The following GPR158 variants were observed in gnomAD, a reference collection of about 807,000 sequenced individuals.
The protein encoded by GPR158 is metabotropic glycine receptor.
GPR158 carries 30 observed loss-of-function variants against 78.2 expected under a neutral mutation model. The ratio of observed to expected loss-of-function variants is 0.38; its 90% CI spans 0.29 to 0.52. GPR158 has a LOEUF of 0.52. Ranked by LOEUF, GPR158 falls within the 20% of genes least tolerant of loss-of-function variation. The pLI, the probability that GPR158 is intolerant of heterozygous loss-of-function variation, is 0.83. For synonymous variants in GPR158, 581 were observed against 591.1 expected, an observed-to-expected ratio of 0.98 and a Z score of 0.25; for missense variants, 1,463 against 1,523.5, an observed-to-expected ratio of 0.96 and a Z score of 0.66.
rs906126186 is a variant in GPR158 at position 25,175,273 on chromosome 10, A to C, written c.-148A>C. ...AGCCACCCGGGGCCAATCTCGAAACATTCTTATTTTCAAGTCCTTTGGACT... is the reference window on the plus strand; with the variant it reads ...AGCCACCCGGGGCCAATCTCGAAACCTTCTTATTTTCAAGTCCTTTGGACT... On this transcript the variant is annotated 5_prime_UTR_variant, in exon 1 of 11. Transcript: ENST00000376351. This position sits in a 1 kb window ranked among gnomAD's most constrained non-coding sequence, Gnocchi z 6.4. The C allele has an allele frequency of 1.8e-6, 1 of 559,644 alleles. No individual in the cohort carries two copies. Among genetic ancestry groups the C allele is most frequent in the Non-Finnish European group, 3.2e-6 (1 of 316,912 alleles). The allele number at this position is 559,644 out of a possible 1,614,324, so 34.7% of individuals were successfully genotyped here.
chr10:25,375,729 T>G (rs1834069790), intron 2 of GPR158, among the ~76,000 whole-genome samples: 1 of 151,654 alleles, frequency 6.6e-6, no homozygotes, highest in African/African-American at 2.4e-5. Flanking sequence ...AGTTTTCTAT[T>G]TTTAAAAATT....
intron 2 of GPR158, among the ~76,000 whole-genome samples, chr10:25,254,241 A>G (rs1323197022): frequency 1.3e-5 from 2 of 152,110 alleles, no homozygotes; most frequent in Non-Finnish European, 2.9e-5. Context: ...TCTTATTTTC[A>G]TTGAAACATC....
chr10:25,349,175 G>T (rs1855419093), intron 2 of GPR158, among the ~76,000 whole-genome samples: 1 of 151,972 alleles, frequency 6.6e-6, no homozygotes, highest in South Asian at 2.1e-4. Flanking sequence ...GTTGTTTGCA[G>T]CTTCTAGAGG....
chr10:25,444,525 G>A (rs1331734666), intron 4 of GPR158, among the ~76,000 whole-genome samples: 5 of 151,342 alleles, frequency 3.3e-5, no homozygotes, highest in Non-Finnish European at 7.4e-5. Context: ...GTGGGTATGT[G>A]TGTGGAAGTG....
chr10:25,447,918 C>A (rs1040272829), intron 4 of GPR158, among the ~76,000 whole-genome samples: 1 of 152,134 alleles, frequency 6.6e-6, no homozygotes, highest in Non-Finnish European at 1.5e-5. Flanking sequence ...CCATTAGCCT[C>A]AGAAGTTTCC....
intron 2 of GPR158, among the ~76,000 whole-genome samples, chr10:25,260,821 A>AT (rs1222499599): frequency 6.6e-6 from 1 of 151,920 alleles, no homozygotes; most frequent in Non-Finnish European, 1.5e-5. Context: ...ATTTCTCTGG[A>AT]TTTTTGCTTT....
intron 5 of GPR158, among the ~76,000 whole-genome samples, chr10:25,483,413 A>G (rs1333325274): frequency 1.3e-5 from 2 of 151,848 alleles, no homozygotes; most frequent in Non-Finnish European, 2.9e-5. Context: ...ATTCTTCTTG[A>G]TGAAGCTCAC....
intron 2 of GPR158, among the ~76,000 whole-genome samples, chr10:25,340,763 C>T (rs1855291160): frequency 2.6e-5 from 4 of 151,836 alleles, no homozygotes; most frequent in Admixed American, 1.3e-4. Flanking sequence ...TATGTGTTAC[C>T]GAGGTCCTAC....
chr10:25,237,604 A>G (rs760774614), intron 2 of GPR158, among the ~76,000 whole-genome samples: 4 of 152,216 alleles, frequency 2.6e-5, no homozygotes, highest in South Asian at 2.1e-4. Context: ...TGGCTCTTCA[A>G]ATTGACTAGT....
intron 6 of GPR158, among the ~76,000 whole-genome samples, chr10:25,558,678 C>A (rs537506425): frequency 6.6e-5 from 10 of 152,310 alleles, no homozygotes; most frequent in East Asian, 1.9e-4. Flanking sequence ...CATGCTCAGT[C>A]CAAAACAACT....
chr10:25,217,564 T>G lies in GPR158; in HGVS notation c.903-3488T>G, dbSNP rs909174722. ...CAAACAGGACCCAAGAGTATGCTAG[T>G]ATTAAATTTGTTTAACCCGTGAAAG... On this transcript the variant is annotated intron_variant, in intron 1 of 10. Transcript: ENST00000376351. 4.6e-5 allele frequency among the ~76,000 whole-genome samples: 7 copies of G among 152,196 alleles called. No homozygotes were observed. The South Asian group carries it at 8.3e-4, about 18-fold the overall frequency.
At chr10:25,266,077 T>C (rs964739255) in intron 2 of GPR158, among the ~76,000 whole-genome samples, 2 of 152,108 alleles carry the variant, frequency 1.3e-5, no homozygotes, top group Non-Finnish European at 2.9e-5. Flanking sequence ...TTTTCTTCCT[T>C]TACCATCCTT....
intron 2 of GPR158, among the ~76,000 whole-genome samples, chr10:25,323,528 A>AT (rs3054021): frequency 0.051 from 7,288 of 144,002 alleles, 577 homozygotes; most frequent in African/African-American, 0.17. Flanking sequence ...TCTTAGGTAG[A>AT]TTTTTTTTTT....
intron 1 of GPR158, among the ~76,000 whole-genome samples, chr10:25,188,252 A>G (rs911237748): frequency 1.3e-5 from 2 of 152,184 alleles, no homozygotes; most frequent in African/African-American, 4.8e-5. Flanking sequence ...CAAGCTCCCA[A>G]TGACTTTCTT....
chr10:25,297,599 T>A (rs1854534761), intron 2 of GPR158, among the ~76,000 whole-genome samples: 1 of 152,234 alleles, frequency 6.6e-6, no homozygotes, highest in Admixed American at 6.5e-5. Context: ...TGTTCTGTTT[T>A]ATCTCTTAAC....
intron 5 of GPR158, among the ~76,000 whole-genome samples, chr10:25,490,562 G>A (rs944379714): frequency 1.4e-5 from 2 of 147,060 alleles, no homozygotes; most frequent in Non-Finnish European, 3.0e-5. Context: ...TTGTTCTTGC[G>A]ATAGGTTACT....
chr10:25,266,084 C>T (rs996667249), intron 2 of GPR158, among the ~76,000 whole-genome samples: 1 of 152,132 alleles, frequency 6.6e-6, no homozygotes, highest in Non-Finnish European at 1.5e-5. Context: ...CCTTTACCAT[C>T]CTTCCAACCT....
chr10:25,340,393 A>C (rs1855285966), intron 2 of GPR158, among the ~76,000 whole-genome samples: 1 of 152,114 alleles, frequency 6.6e-6, no homozygotes, highest in Middle Eastern at 3.2e-3. Context: ...GATACTCAGG[A>C]AATAAATATT....
chr10:25,320,295 G>A (rs889175484), intron 2 of GPR158, among the ~76,000 whole-genome samples: 7 of 151,906 alleles, frequency 4.6e-5, no homozygotes, highest in East Asian at 1.9e-4. Context: ...ATTTATGTTC[G>A]GTGCTTCTTG....
Sources: gnomAD v4.1 joint callset for allele counts (sites outside exome capture counted in the v4.1 genomes callset) on GRCh38, gnomAD v4.1.1 for gene constraint, Gnocchi (gnomAD v3.1) non-coding constraint, MANE v1.5 for transcripts, NCBI Gene and HGNC (gene_info 2026-07-23, HGNC 2026-07-21) for gene names.